Variants in THADA observed in about 807,000 individuals in gnomAD.
THADA encodes tRNA (32-2'-O)-methyltransferase regulator THADA.
A neutral mutation model predicts 219.8 loss-of-function variants in THADA; 213 were observed. The ratio of observed to expected loss-of-function variants is 0.97; its 90% confidence interval spans 0.87 to 1.09. The LOEUF is 1.09. Ranked by LOEUF, THADA falls within the 50% of genes least tolerant of loss-of-function variation. The pLI is 0.00. For synonymous variants in THADA, 1,018 were observed against 828.9 expected (o/e 1.23, Z -3.92); for missense variants, 2,956 against 2,311.3 (o/e 1.28, Z -5.72).
intron 19 of THADA, among the ~76,000 whole-genome samples, chr2:43,549,675 A>G (rs1410472451): frequency 1.3e-5 from 2 of 152,212 alleles, no homozygotes; most frequent in South Asian, 2.1e-4. Context: ...TATCTCAAAT[A>G]TGGTGCTAAT....
intron 28 of THADA, among the ~76,000 whole-genome samples, chr2:43,407,022 G>A (rs1295861818): frequency 6.6e-6 from 1 of 152,220 alleles, no homozygotes; most frequent in Admixed American, 6.5e-5. Flanking sequence ...AAAGGGGGCT[G>A]AACATAATAA....
chr2:43,506,410 C>A (rs778423056), intron 23 of THADA, among the ~76,000 whole-genome samples: 1 of 152,150 alleles, frequency 6.6e-6, no homozygotes, highest in Non-Finnish European at 1.5e-5. Context: ...GAATGAGGTA[C>A]TAATATATAT....
At chr2:43,273,642 T>C (rs1403150339) in intron 36 of THADA, among the ~76,000 whole-genome samples, 6 of 152,174 alleles carry the variant, frequency 3.9e-5, no homozygotes, top group Non-Finnish European at 8.8e-5. Context: ...GGTCTGAGAC[T>C]GGTGGGCAGC....
At chr2:43,469,872 T>C (rs1052696338) in intron 26 of THADA, among the ~76,000 whole-genome samples, 1 of 152,106 alleles carries the variant, frequency 6.6e-6, no homozygotes, top group Non-Finnish European at 1.5e-5. Context: ...AGAAAGCTAA[T>C]AAAAATTCCT....
intron 31 of THADA, among the ~76,000 whole-genome samples, chr2:43,306,904 T>C (rs1046883469): frequency 6.6e-6 from 1 of 152,204 alleles, no homozygotes; most frequent in African/African-American, 2.4e-5. Flanking sequence ...GTTCTCCCAA[T>C]GTTGGCTTTT....
chr2:43,592,972 A>G (rs76562174), intron 1 of THADA: 1 of 152,254 alleles, frequency 6.6e-6, no homozygotes, highest in East Asian at 1.9e-4. Context: ...CAACGGGTTC[A>G]TAACAGGCTA....
intron 36 of THADA, among the ~76,000 whole-genome samples, chr2:43,278,998 A>G (rs557835375): frequency 6.6e-6 from 1 of 152,298 alleles, no homozygotes; most frequent in East Asian, 1.9e-4. Context: ...AGCACAGAGA[A>G]TCCGAGTCTG....
In THADA at chr2:43,400,992, C is replaced by G. The variant is rs150444726; in HGVS notation, c.4059-2853G>C. ...AGCCCTTCTGAAATAAATCGGATAG[C>G]CTCTGTCTCTCTAAGTCTCAGTGTC... is the stretch of plus-strand genomic sequence containing the variant. On this transcript the variant is annotated intron_variant, in intron 28 of 37. Transcript: ENST00000405975. 2.6e-5 allele frequency among the ~76,000 whole-genome samples: 4 copies of G among 152,064 alleles called. 1 individual carries two copies. The South Asian group carries it at 6.2e-4, about 24-fold the overall frequency.
intron 36 of THADA, among the ~76,000 whole-genome samples, chr2:43,260,012 C>T (rs1222782798): frequency 2.0e-5 from 3 of 152,170 alleles, no homozygotes; most frequent in African/African-American, 7.2e-5. Flanking sequence ...GAGATGGAGT[C>T]TCGCTCTGTC....
chr2:43,452,686 C>T (rs1417350223), intron 26 of THADA, among the ~76,000 whole-genome samples: 1 of 152,178 alleles, frequency 6.6e-6, no homozygotes, highest in Non-Finnish European at 1.5e-5. Flanking sequence ...CTCACCTGAG[C>T]TTCTACTCCG....
At chr2:43,573,635 C>A (rs1158993689) in intron 11 of THADA, among the ~76,000 whole-genome samples, 2 of 152,166 alleles carry the variant, frequency 1.3e-5, no homozygotes, top group Admixed American at 6.5e-5. Context: ...TTTCCTGCTA[C>A]CTCATGGTTA....
At chr2:43,466,344 T>C (rs931975575) in intron 26 of THADA, among the ~76,000 whole-genome samples, 2 of 152,190 alleles carry the variant, frequency 1.3e-5, no homozygotes, top group African/African-American at 4.8e-5. Context: ...CTGGCTCCCT[T>C]TGCCCCTACA....
intron 26 of THADA, among the ~76,000 whole-genome samples, chr2:43,461,793 T>C (rs1193534407): frequency 6.6e-6 from 1 of 152,248 alleles, no homozygotes; most frequent in Non-Finnish European, 1.5e-5. Context: ...CTGGCTACCC[T>C]GCACTACTGC....
intron 36 of THADA, among the ~76,000 whole-genome samples, chr2:43,254,436 C>G (rs559550376): frequency 6.6e-6 from 1 of 152,038 alleles, no homozygotes; most frequent in East Asian, 1.9e-4. Flanking sequence ...CTCCCTTATG[C>G]TGAAGTGGGC....
intron 29 of THADA, among the ~76,000 whole-genome samples, chr2:43,360,272 T>C (rs959204996): frequency 2.0e-5 from 3 of 152,228 alleles, no homozygotes; most frequent in African/African-American, 7.2e-5. Flanking sequence ...TTATCTCCTA[T>C]AGAGCCTTGC....
intron 36 of THADA, among the ~76,000 whole-genome samples, chr2:43,235,567 C>T (rs962197537): frequency 3.9e-5 from 6 of 152,284 alleles, no homozygotes; most frequent in African/African-American, 1.4e-4. Context: ...GCTGGGATTA[C>T]ACCCATGAGC....
intron 22 of THADA, among the ~76,000 whole-genome samples, chr2:43,521,136 G>GGTAGGGAAGGGAGGGAAT (rs1692409616): frequency 6.8e-6 from 1 of 146,164 alleles, no homozygotes; most frequent in African/African-American, 2.5e-5. Flanking sequence ...AGGGAGGGAA[G>GGTAGGGAAGGGAGGGAAT]GTAGGGAAGG....
intron 22 of THADA, among the ~76,000 whole-genome samples, chr2:43,520,575 A>C (rs1343325068): frequency 6.6e-6 from 1 of 152,070 alleles, no homozygotes; most frequent in Non-Finnish European, 1.5e-5. Context: ...CTGTAGTCCC[A>C]GCTACTCAGG....
chr2:43,503,001 A>C (rs1397203036), intron 24 of THADA, among the ~76,000 whole-genome samples: 1 of 152,200 alleles, frequency 6.6e-6, no homozygotes, highest in Non-Finnish European at 1.5e-5. Flanking sequence ...AGTAATAAGA[A>C]AGATGCAAAA....
Sources: gnomAD v4.1 joint callset for allele counts (sites outside exome capture counted in the v4.1 genomes callset) on GRCh38, gnomAD v4.1.1 for gene constraint, MANE v1.5 for transcripts, NCBI Gene and HGNC (gene_info 2026-07-23, HGNC 2026-07-21) for gene names.